The following METTL22 variants were observed in gnomAD, a reference collection of about 807,000 sequenced individuals.
The protein encoded by METTL22 is methyltransferase-like protein 22.
METTL22 carries 51 observed loss-of-function variants against 48.4 expected under a neutral mutation model. The ratio of observed to expected loss-of-function variants is 1.05; its 90% CI spans 0.84 to 1.33. METTL22 has a LOEUF of 1.33. Ranked by LOEUF, METTL22 falls within the 40% of genes most tolerant of loss-of-function variation. METTL22 has a pLI of 0.00. For missense variants in METTL22, 678 were observed against 526.9 expected, an observed-to-expected ratio of 1.29 and a Z score of -2.81; for synonymous variants, 255 against 214.1, an observed-to-expected ratio of 1.19 and a Z score of -1.67.
At chr16:8,638,489 A>G (rs1358303745) in intron 5 of METTL22, among the ~76,000 whole-genome samples, 3 of 152,346 alleles carry the variant, frequency 2.0e-5, no homozygotes, top group Middle Eastern at 3.4e-3. Flanking sequence ...TTGTCAGAGT[A>G]GCAGGCGGCT....
rs1331849300 is a variant in METTL22 at position 8,641,121 on chromosome 16, G to A, written c.773-10G>A. ...AGTTTGGAAAGTTCTCTTTTTGTTT[G>A]TTTTTACAGGTGGTATAGTTAGGGT... On this transcript the variant is annotated splice_polypyrimidine_tract_variant and intron_variant, in intron 6 of 10. Coordinates refer to ENST00000381920, the MANE Select transcript of METTL22 (RefSeq NM_024109.4). 6.2e-7 allele frequency: 1 copy of A among 1,613,392 alleles called. No homozygotes were observed. Among genetic ancestry groups the A allele is most frequent in the Non-Finnish European group, 8.5e-7 (1 of 1,179,592 alleles).
the METTL22 span, among the ~76,000 whole-genome samples, chr16:8,654,702 C>T: frequency 6.6e-6 from 1 of 152,058 alleles, no homozygotes; most frequent in African/African-American, 2.4e-5. Flanking sequence ...GCAAATCATC[C>T]CTTGGGTGGG....
At chr16:8,660,762 C>T in the METTL22 span, among the ~76,000 whole-genome samples, 2 of 117,612 alleles carry the variant, frequency 1.7e-5, no homozygotes, top group East Asian at 2.5e-4. Flanking sequence ...GAGATTGGGC[C>T]GGCAAGTGGG....
Position 8,628,954 on chromosome 16 carries a change from G to A in METTL22, c.358G>A (p.Gly120Arg). 1.2e-6 allele frequency: 2 copies of A among 1,614,130 alleles called. No individual in the cohort carries two copies. Among genetic ancestry groups the A allele is most frequent in the Non-Finnish European group, 1.7e-6 (2 of 1,180,034 alleles). ...GGCTGAAGCTCAGCTGGATGAGGATGGGGATTTGGACGTGGTGAGAAGACC... is the reference window on the plus strand; with the variant it reads ...GGCTGAAGCTCAGCTGGATGAGGATAGGGATTTGGACGTGGTGAGAAGACC... ...EVAEAQLDEDGDLDVVRRPRA... is the reference protein window; with the variant it reads ...EVAEAQLDEDRDLDVVRRPRA... The change falls in exon 3 of 11, where the codon GGG becomes AGG. Residue 120 changes from glycine to arginine, a missense_variant. Transcript: ENST00000381920.
chr16:8,621,931 G>T (rs1419250087), intron 1 of METTL22, among the ~76,000 whole-genome samples, 156 bp downstream of exon 1: 2 of 152,218 alleles, frequency 1.3e-5, no homozygotes, highest in Non-Finnish European at 2.9e-5. Flanking sequence ...CAACACGGGT[G>T]TTGGGGAAAG....
At chr16:8,643,683 G>A (rs951239135) in intron 9 of METTL22, among the ~76,000 whole-genome samples, 3 of 152,094 alleles carry the variant, frequency 2.0e-5, no homozygotes, top group African/African-American at 4.8e-5. Context: ...GTGCGATCTC[G>A]GCTCAGCACA....
Position 8,625,663 on chromosome 16 carries a change from G to T in METTL22, c.-3G>T, listed in dbSNP as rs1375473851. 3 of 1,614,058 alleles carry T rather than the reference G, an allele frequency of 1.9e-6. No individual in the cohort carries two copies. Among genetic ancestry groups the T allele is most frequent in the Non-Finnish European group, 2.5e-6 (3 of 1,180,000 alleles). ...GTCCTAGGACTAAGGTGGAGCCTGG[G>T]CCATGGTACAGCTGGCTCCTGCGGC... On this transcript the variant is annotated 5_prime_UTR_variant, in exon 2 of 11. Coordinates refer to ENST00000381920, the MANE Select transcript of METTL22 (RefSeq NM_024109.4).
At chr16:8,642,964 C>G (rs768770796) in intron 9 of METTL22, 1 of 214,232 alleles carries the variant, frequency 4.7e-6, no homozygotes, top group Non-Finnish European at 9.7e-6. Context: ...TCCCCCAGGT[C>G]TCTTTCTCTT....
At chr16:8,661,927 G>T in the METTL22 span, among the ~76,000 whole-genome samples, 2 of 144,436 alleles carry the variant, frequency 1.4e-5, 1 homozygote, top group Non-Finnish European at 3.0e-5. Context: ...TACAGAGGCT[G>T]TCTGAGGTCA....
At chr16:8,639,970 G>A (rs1425204438) in intron 6 of METTL22, among the ~76,000 whole-genome samples, 1 of 151,968 alleles carries the variant, frequency 6.6e-6, no homozygotes, top group African/African-American at 2.4e-5. Flanking sequence ...CTGCCTGAGT[G>A]CTCTGCCGTC....
chr16:8,625,359 C>A, intron 1 of METTL22, 137 bp from the exon 2 acceptor site: 1 of 188,116 alleles, frequency 5.3e-6, no homozygotes, highest in African/African-American at 2.3e-5. Flanking sequence ...GGAAAGGAAA[C>A]TTTATAAATG....
chr16:8,663,799 C>G, the METTL22 span, among the ~76,000 whole-genome samples: 1 of 152,212 alleles, frequency 6.6e-6, no homozygotes, highest in Non-Finnish European at 1.5e-5. Context: ...TTTCATTTGT[C>G]AGACTAGAGG....
In METTL22 at chr16:8,646,621, C is replaced by G. The variant is rs755291423; in HGVS notation, c.*478C>G. The stretch of plus-strand genomic sequence containing the variant: ...GTTGGGTATGCTCCACCCCATCACT[C>G]TGGTGAGGGCCCCATGAGAAGGAAG... On this transcript the variant is annotated 3_prime_UTR_variant, in exon 11 of 11. Coordinates refer to ENST00000381920, the MANE Select transcript of METTL22 (RefSeq NM_024109.4). 8.7e-6 allele frequency: 4 copies of G among 459,616 alleles called. No homozygotes were observed. The highest frequency in any genetic ancestry group is 2.0e-5 in the African/African-American group (1 of 50,362). The allele number at this position is 459,616 out of a possible 1,614,324, so 28.5% of individuals were successfully genotyped here. A position where few individuals can be genotyped will look rare whatever the true frequency, so the allele number is the denominator to read the frequency against.
Position 8,628,962 on chromosome 16 carries a change from G to C in METTL22, c.366G>C (p.Leu122Phe). 1 of 1,614,126 alleles carries C rather than the reference G, an allele frequency of 6.2e-7. No homozygotes were observed. Among genetic ancestry groups the C allele is most frequent in the South Asian group, 1.1e-5 (1 of 91,092 alleles). The change falls in exon 3 of 11, where the codon TTG (leucine) becomes TTC (phenylalanine). Residue 122 changes from leucine (L) to phenylalanine (F), a missense_variant. Coordinates refer to ENST00000381920, the MANE Select transcript of METTL22 (RefSeq NM_024109.4). The stretch of plus-strand genomic sequence containing the variant: ...CTCAGCTGGATGAGGATGGGGATTT[G>C]GACGTGGTGAGAAGACCACGAGCCG... The part of the protein sequence containing the change: ...AEAQLDEDGD[L>F]DVVRRPRAAS...
chr16:8,642,546 A>C lies in METTL22; in HGVS notation c.991A>C (p.Ile331Leu), dbSNP rs1255557146. 2 of 1,614,216 alleles carry C rather than the reference A, an allele frequency of 1.2e-6. No individual in the cohort carries two copies. The highest frequency in any genetic ancestry group is 2.2e-5 in the East Asian group (1 of 44,886). ...AHRLKNACTA[I>L]LSVEKRLNFT... Reference sequence around the variant, plus strand: ...CAGATTGAAAAATGCCTGCACAGCCATACTGTCGGTGGAGAAGAGGTGAGC... The same window carrying C: ...CAGATTGAAAAATGCCTGCACAGCCCTACTGTCGGTGGAGAAGAGGTGAGC... Residue 331 changes from isoleucine (I) to leucine (L), a missense_variant, in exon 9 of 11, where the codon ATA (isoleucine) becomes CTA (leucine). Ile to Leu is a conservative substitution (Grantham distance 5). Coordinates refer to ENST00000381920, the MANE Select transcript of METTL22 (RefSeq NM_024109.4).
chr16:8,658,716 G>A, the METTL22 span, among the ~76,000 whole-genome samples: 7 of 152,210 alleles, frequency 4.6e-5, no homozygotes, highest in African/African-American at 1.2e-4. Context: ...TTGGGAGGGC[G>A]GGGACTTGGC....
At chr16:8,641,731 C>T (rs1283814469) in intron 7 of METTL22, 2 of 392,298 alleles carry the variant, frequency 5.1e-6, no homozygotes, top group South Asian at 4.4e-5. Flanking sequence ...ACCGTAGGCC[C>T]TTCGGCCCTC....
chr16:8,644,270 T>C (rs1450780047), intron 9 of METTL22, among the ~76,000 whole-genome samples: 1 of 152,180 alleles, frequency 6.6e-6, no homozygotes, highest in Non-Finnish European at 1.5e-5. Flanking sequence ...CAAGTGTTGA[T>C]CTGCAGGACT....
At chr16:8,627,812 C>G (rs891371720) in intron 2 of METTL22, among the ~76,000 whole-genome samples, 1 of 152,174 alleles carries the variant, frequency 6.6e-6, no homozygotes, top group African/African-American at 2.4e-5. Flanking sequence ...GTGGTGCAGT[C>G]TTGACTCACT....
Sources: gnomAD v4.1 joint callset for allele counts (sites outside exome capture counted in the v4.1 genomes callset) on GRCh38, gnomAD v4.1.1 for gene constraint, MANE v1.5 for transcripts, NCBI Gene and HGNC (gene_info 2026-07-23, HGNC 2026-07-21) for gene names.